The following GRM8 variants were observed in gnomAD, a reference collection of about 807,000 sequenced individuals.
The protein encoded by GRM8 is metabotropic glutamate receptor 8.
A neutral mutation model predicts 87.2 loss-of-function variants in GRM8; 47 were observed. The observed-to-expected ratio is 0.54, with a 90% CI of 0.43 to 0.69. The LOEUF is 0.69. Among genes scored for constraint, GRM8 ranks in the 30% least tolerant of loss-of-function variants. GRM8 has a pLI of 0.00. For missense variants in GRM8, 1,019 were observed against 1,139.2 expected (o/e 0.89, Z 1.52); for synonymous variants, 396 against 404.5 (o/e 0.98, Z 0.25).
chr7:127,070,063 A>T (rs1014637721), intron 3 of GRM8, among the ~76,000 whole-genome samples: 5 of 152,224 alleles, frequency 3.3e-5, no homozygotes, highest in Non-Finnish European at 5.9e-5. Context: ...TAACAGGATG[A>T]TGGGCACATT....
At chr7:126,937,776 T>A (rs1806490764) in intron 3 of GRM8, among the ~76,000 whole-genome samples, 2 of 152,234 alleles carry the variant, frequency 1.3e-5, no homozygotes, top group Admixed American at 6.5e-5. Context: ...TGTCCTTTAG[T>A]GCCGGGGTCA....
At chr7:126,870,418 T>C (rs1285413502) in intron 6 of GRM8, 1 of 152,184 alleles carries the variant, frequency 6.6e-6, no homozygotes, top group African/African-American at 2.4e-5. Flanking sequence ...AGGCCTACCT[T>C]TCAGCCTACA....
At chr7:126,774,729 A>G (rs1366566604) in intron 6 of GRM8, among the ~76,000 whole-genome samples, 1 of 152,152 alleles carries the variant, frequency 6.6e-6, no homozygotes, top group African/African-American at 2.4e-5. Context: ...TTCAGTAAAA[A>G]AGGCAAATTG....
chr7:126,692,841 G>A (rs939407853), intron 7 of GRM8, among the ~76,000 whole-genome samples: 1 of 152,140 alleles, frequency 6.6e-6, no homozygotes, highest in Non-Finnish European at 1.5e-5. Context: ...AATCCTGAAA[G>A]AGTAAAATAA....
chr7:126,923,615 C>T (rs1057425311), intron 3 of GRM8, among the ~76,000 whole-genome samples: 1 of 152,100 alleles, frequency 6.6e-6, no homozygotes, highest in Admixed American at 6.6e-5. Context: ...ATTCAGTGGA[C>T]AAAATGGCTT....
At chr7:127,235,589 A>G (rs533279839) in intron 2 of GRM8, among the ~76,000 whole-genome samples, 1 of 152,236 alleles carries the variant, frequency 6.6e-6, no homozygotes, top group Non-Finnish European at 1.5e-5. Context: ...AGAGATTTGT[A>G]AAATAAAGTA....
chr7:126,967,166 TTTG>T (rs1477652005), intron 3 of GRM8, among the ~76,000 whole-genome samples: 3 of 62,732 alleles, frequency 4.8e-5, no homozygotes, highest in African/African-American at 1.5e-4. Flanking sequence ...TGTGTGTGTG[TTTG>T]TGTGTGTGTG....
intron 7 of GRM8, among the ~76,000 whole-genome samples, chr7:126,697,675 T>A (rs967386692): frequency 4.6e-5 from 7 of 152,130 alleles, no homozygotes; most frequent in Non-Finnish European, 1.0e-4. Context: ...TCCCCAAATT[T>A]AAGGAAATTA....
intron 3 of GRM8, among the ~76,000 whole-genome samples, chr7:127,032,031 A>G (rs972771466): frequency 1.3e-5 from 2 of 152,172 alleles, no homozygotes; most frequent in African/African-American, 2.4e-5. Context: ...CTCTTCTAGA[A>G]AGAAAAAAAT....
At chr7:126,683,790 G>A (rs1198977974) in intron 7 of GRM8, among the ~76,000 whole-genome samples, 2 of 152,196 alleles carry the variant, frequency 1.3e-5, no homozygotes, top group African/African-American at 2.4e-5. Flanking sequence ...GTCTTTGGAT[G>A]ATGTGTGGGT....
At chr7:126,609,972 G>A (rs1023683365) in intron 7 of GRM8, among the ~76,000 whole-genome samples, 8 of 152,260 alleles carry the variant, frequency 5.3e-5, no homozygotes, top group South Asian at 2.1e-4. Context: ...AGAGAGCACC[G>A]TTCCTGTGCC....
intron 6 of GRM8, among the ~76,000 whole-genome samples, chr7:126,821,083 C>T (rs1019288085): frequency 2.4e-4 from 36 of 152,274 alleles, no homozygotes; most frequent in Admixed American, 1.8e-3. Context: ...GCCTGGGCGA[C>T]GGAGCAAGAC....
chr7:126,855,472 C>CT (rs11428822), intron 6 of GRM8, among the ~76,000 whole-genome samples: 84,374 of 136,936 alleles, frequency 0.62, 26,038 homozygotes, highest in African/African-American at 0.64. Context: ...TATGATTTAT[C>CT]TTTTTTTTTT....
intron 2 of GRM8, among the ~76,000 whole-genome samples, chr7:127,183,823 A>G (rs1475194883): frequency 1.3e-5 from 2 of 151,866 alleles, no homozygotes; most frequent in Non-Finnish European, 3.0e-5. Flanking sequence ...CAAATTACTA[A>G]TATCAGAAAT....
chr7:127,077,400 T>A (rs758649702), intron 3 of GRM8, among the ~76,000 whole-genome samples: 4 of 152,348 alleles, frequency 2.6e-5, no homozygotes, highest in South Asian at 4.1e-4. Flanking sequence ...TGTGCATCCA[T>A]GAACTTCCCC....
intron 8 of GRM8, among the ~76,000 whole-genome samples, chr7:126,543,241 G>A (rs950395715): frequency 6.6e-6 from 1 of 152,052 alleles, no homozygotes; most frequent in South Asian, 2.1e-4. Context: ...TAAATTTTAG[G>A]TTATATTCCT....
chr7:126,942,888 C>T lies in GRM8; in HGVS notation c.728-38205G>A, dbSNP rs1239704620. On this transcript the variant is annotated intron_variant, in intron 3 of 10. Transcript: ENST00000339582. ...CTGGGCAGGTGAAGGGGGATATGTC[C>T]ATTATTGTGAGAGGTTCATGTTTTG... Among the ~76,000 whole-genome samples, 5 of 152,136 alleles carry T rather than the reference C, an allele frequency of 3.3e-5. No homozygotes were observed. The East Asian group carries it at 9.7e-4, about 29-fold the overall frequency.
chr7:127,014,572 T>A lies in GRM8; in HGVS notation c.727+91924A>T, dbSNP rs191111956. On this transcript the variant is annotated intron_variant, in intron 3 of 10. Coordinates refer to ENST00000339582, the MANE Select transcript of GRM8 (RefSeq NM_000845.3). Reference sequence around the variant, plus strand: ...GGAGATGGTAATATTTAACTCATAATACGGTTGTGCAGATTAAACAGACAT... The same window carrying A: ...GGAGATGGTAATATTTAACTCATAAAACGGTTGTGCAGATTAAACAGACAT... Among the ~76,000 whole-genome samples, 224 of 152,218 alleles carry A rather than the reference T, an allele frequency of 1.5e-3. 1 individual carries two copies. The highest frequency in any genetic ancestry group is 4.8e-3 in the African/African-American group (200 of 41,556).
At chr7:126,650,053 G>A (rs1803632535) in intron 7 of GRM8, among the ~76,000 whole-genome samples, 3 of 152,276 alleles carry the variant, frequency 2.0e-5, no homozygotes, top group African/African-American at 7.2e-5. Flanking sequence ...ACTGGGCTTT[G>A]GTGGAAACTG....
Sources: allele counts gnomAD v4.1 joint callset (sites outside exome capture counted in the v4.1 genomes callset), GRCh38; gene constraint gnomAD v4.1.1; transcripts MANE v1.5; gene names NCBI Gene and HGNC (gene_info 2026-07-23, HGNC 2026-07-21).